GALM: variants seen among roughly 807,000 people sequenced by gnomAD.
The protein encoded by GALM is aldose 1-epimerase.
A neutral mutation model predicts 37.4 loss-of-function variants in GALM; 43 were observed. That is an observed-to-expected ratio of 1.15 (90% CI 0.90 to 1.48). The LOEUF (loss-of-function observed/expected upper bound fraction) is 1.48, where lower values mean the gene tolerates loss of function less well. Among genes scored for constraint, GALM ranks in the 40% most tolerant of loss-of-function variants. GALM has a pLI of 0.00. For synonymous variants in GALM, 199 were observed against 170.6 expected, an observed-to-expected ratio of 1.17 and a Z score of -1.30; for missense variants, 456 against 419.1, an observed-to-expected ratio of 1.09 and a Z score of -0.77.
At chr2:38,675,520 TTTTTTG>T (rs1228155794) in intron 1 of GALM, among the ~76,000 whole-genome samples, 33 of 102,768 alleles carry the variant, frequency 3.2e-4, no homozygotes, top group Non-Finnish European at 4.7e-4. Flanking sequence ...GATTGAGGGT[TTTTTTG>T]TTTTTTTTTT....
chr2:38,694,131 G>A (rs1219258548), intron 4 of GALM, among the ~76,000 whole-genome samples: 1 of 152,136 alleles, frequency 6.6e-6, no homozygotes, highest in Non-Finnish European at 1.5e-5. Context: ...GCAGTGAGCT[G>A]TGATTGTGCC....
intron 4 of GALM, among the ~76,000 whole-genome samples, chr2:38,717,620 G>A (rs1216377605): frequency 1.3e-5 from 2 of 151,802 alleles, no homozygotes; most frequent in Non-Finnish European, 2.9e-5. Flanking sequence ...GGCTGGTCTC[G>A]AACTCCCGGC....
chr2:38,683,453 T>C (rs1469594), intron 3 of GALM, among the ~76,000 whole-genome samples: 75,813 of 152,058 alleles, frequency 0.5, 19,270 homozygotes, highest in East Asian at 0.71. Context: ...TATACTTATT[T>C]GTTCAGCATT....
intron 2 of GALM, among the ~76,000 whole-genome samples, chr2:38,679,230 G>T (rs1665334850): frequency 6.6e-6 from 1 of 152,072 alleles, no homozygotes; most frequent in Non-Finnish European, 1.5e-5. Context: ...CAAGTGATCT[G>T]CCCGCCTTGG....
intron 4 of GALM, among the ~76,000 whole-genome samples, chr2:38,715,631 T>G (rs1255859276): frequency 1.3e-5 from 2 of 152,054 alleles, no homozygotes; most frequent in Non-Finnish European, 2.9e-5. Flanking sequence ...AGAGACAGGG[T>G]TTTGTTGTCC....
chr2:38,707,268 C>T (rs1452508108), intron 4 of GALM, among the ~76,000 whole-genome samples: 1 of 152,130 alleles, frequency 6.6e-6, no homozygotes, highest in African/African-American at 2.4e-5. Context: ...AGGCATACAT[C>T]AGCGTGTACT....
At chr2:38,677,610 G>A (rs181848714) in intron 2 of GALM, among the ~76,000 whole-genome samples, 9 of 152,298 alleles carry the variant, frequency 5.9e-5, no homozygotes, top group African/African-American at 1.7e-4. Context: ...ACAGCACCTC[G>A]TTCTAGCTTG....
chr2:38,691,557 A>T (rs1267379841), intron 4 of GALM, among the ~76,000 whole-genome samples: 2 of 151,784 alleles, frequency 1.3e-5, no homozygotes, highest in African/African-American at 4.8e-5. Flanking sequence ...GGTAACACGC[A>T]CCTGGGGTCC....
intron 4 of GALM, among the ~76,000 whole-genome samples, chr2:38,695,863 T>A (rs1665793992): frequency 6.6e-6 from 1 of 151,798 alleles, no homozygotes; most frequent in Non-Finnish European, 1.5e-5. Context: ...CATACCCGGA[T>A]AATTTTTGTA....
At chr2:38,727,397 A>G (rs1666507592) in intron 4 of GALM, among the ~76,000 whole-genome samples, 1 of 152,024 alleles carries the variant, frequency 6.6e-6, no homozygotes, top group African/African-American at 2.4e-5. Context: ...TTCAGGCACT[A>G]GGAAGACTAC....
At chr2:38,724,996 C>T (rs1295197450) in intron 4 of GALM, among the ~76,000 whole-genome samples, 1 of 152,156 alleles carries the variant, frequency 6.6e-6, no homozygotes, top group Non-Finnish European at 1.5e-5. Flanking sequence ...TTCAAGCCTT[C>T]TACCTGTAGT....
chr2:38,667,155 CTT>C (rs1475464718), intron 1 of GALM, among the ~76,000 whole-genome samples: 1 of 152,142 alleles, frequency 6.6e-6, no homozygotes, highest in Non-Finnish European at 1.5e-5. Flanking sequence ...ATCATGCTCT[CTT>C]AGCACCATGG....
chr2:38,719,147 G>A (rs914930383), intron 4 of GALM, among the ~76,000 whole-genome samples: 1 of 151,788 alleles, frequency 6.6e-6, no homozygotes. Context: ...CCTGCACCTC[G>A]TCAGTTAGCC....
chr2:38,681,325 C>T lies in GALM; in HGVS notation c.391C>T (p.Arg131Cys), dbSNP rs200877275. 550 of 1,613,776 alleles carry T rather than the reference C, an allele frequency of 3.4e-4. 1 individual carries two copies. The Middle Eastern group carries it at 3.6e-3, about 11-fold the overall frequency. Residue 131 changes from arginine to cysteine, a missense_variant, in exon 3 of 7, where the codon CGC (arginine) becomes TGC (cysteine). Physicochemically the swap from Arg to Cys is radical, Grantham distance 180. Coordinates refer to ENST00000272252, the MANE Select transcript of GALM (RefSeq NM_138801.3). ...RVLSNGVQFS[R>C]ISPDGEEGYP... ...GCTGTCAAATGGCGTCCAGTTCTCGCGCATCAGTCCAGATGGTGAAGAAGG... is the reference window on the plus strand; with the variant it reads ...GCTGTCAAATGGCGTCCAGTTCTCGTGCATCAGTCCAGATGGTGAAGAAGG...
In GALM at chr2:38,698,135, G is replaced by A. The variant is rs149384656; in HGVS notation, c.634+8241G>A. Reference sequence around the variant, plus strand: ...ATTTTTGTATTTTTAGTAGAGATGGGGTTTCACCATATTGCCCAGGCTGGT... The same window carrying A: ...ATTTTTGTATTTTTAGTAGAGATGGAGTTTCACCATATTGCCCAGGCTGGT... On this transcript the variant is annotated intron_variant, in intron 4 of 6. Coordinates refer to ENST00000272252, the MANE Select transcript of GALM (RefSeq NM_138801.3). 3.8e-3 allele frequency among the ~76,000 whole-genome samples: 577 copies of A among 151,960 alleles called. 1 individual carries two copies. The highest frequency in any genetic ancestry group is 0.013 in the African/African-American group (551 of 41,444).
chr2:38,719,918 G>A (rs1666342497), intron 4 of GALM, among the ~76,000 whole-genome samples: 1 of 151,740 alleles, frequency 6.6e-6, no homozygotes, highest in Non-Finnish European at 1.5e-5. Flanking sequence ...TCCTGTAAAT[G>A]TTTATTGTTT....
At chr2:38,696,901 C>A (rs1470338697) in intron 4 of GALM, among the ~76,000 whole-genome samples, 1 of 151,000 alleles carries the variant, frequency 6.6e-6, no homozygotes, top group South Asian at 2.1e-4. Context: ...GCAATCCTCC[C>A]GCCTCAGCCT....
chr2:38,732,360 A>G (rs1386520803), intron 6 of GALM, among the ~76,000 whole-genome samples: 1 of 152,178 alleles, frequency 6.6e-6, no homozygotes, highest in Admixed American at 6.5e-5. Context: ...GCCCGGCTCA[A>G]AAGTTCATGC....
rs186875798 is a variant in GALM, at chr2:38,695,359, A to T, written c.634+5465A>T. 5.1e-3 allele frequency among the ~76,000 whole-genome samples: 779 copies of T among 152,326 alleles called. 5 individuals are homozygous for T. Among genetic ancestry groups the T allele is most frequent in the African/African-American group, 0.018 (737 of 41,576 alleles). On this transcript the variant is annotated intron_variant, in intron 4 of 6. Coordinates refer to ENST00000272252, the MANE Select transcript of GALM (RefSeq NM_138801.3). Reference sequence around the variant, plus strand: ...TCAAAAAAAGAAAGCAAACTTACAGACACAGTTAAAGAAAAGCTGTACCAT... The same window carrying T: ...TCAAAAAAAGAAAGCAAACTTACAGTCACAGTTAAAGAAAAGCTGTACCAT...
Sources: allele counts gnomAD v4.1 joint callset (sites outside exome capture counted in the v4.1 genomes callset), GRCh38; gene constraint gnomAD v4.1.1; transcripts MANE v1.5; gene names NCBI Gene and HGNC (gene_info 2026-07-23, HGNC 2026-07-21).